The following DNAH8 variants were observed in gnomAD, a reference collection of about 807,000 sequenced individuals.
The protein encoded by DNAH8 is axonemal beta dynein heavy chain 8.
A neutral mutation model predicts 562.1 loss-of-function variants in DNAH8; 382 were observed. The observed-to-expected ratio is 0.68, with a 90% CI of 0.63 to 0.74. The LOEUF is 0.74. Ranked by LOEUF, DNAH8 falls within the 30% of genes least tolerant of loss-of-function variation. The pLI, the probability that DNAH8 is intolerant of heterozygous loss-of-function variation, is 0.00. For missense variants in DNAH8, 5,203 were observed against 5,620.4 expected (o/e 0.93, Z 2.37); for synonymous variants, 1,881 against 1,919.4 (o/e 0.98, Z 0.52).
At chr6:38,962,448 G>C (rs1001714053) in intron 82 of DNAH8, among the ~76,000 whole-genome samples, 2 of 152,016 alleles carry the variant, frequency 1.3e-5, no homozygotes, top group South Asian at 4.1e-4. Flanking sequence ...GATAAATATG[G>C]AGCAAAATGA....
At chr6:38,791,502 C>T (rs1466752738) in intron 20 of DNAH8, 53 bp from the exon 21 acceptor site, 9 of 1,548,068 alleles carry the variant, frequency 5.8e-6, no homozygotes, top group Non-Finnish European at 6.9e-6. Flanking sequence ...GGATGAAAAC[C>T]TAGCTCTAAA....
chr6:38,866,499 C>T, intron 45 of DNAH8, 92 bp from the exon 46 acceptor site: 5 of 890,234 alleles, frequency 5.6e-6, no homozygotes, highest in Non-Finnish European at 8.5e-6. Context: ...TCAATACCAT[C>T]TTAAAATCTG....
chr6:39,010,803 A>G (rs4714205), intron 89 of DNAH8, among the ~76,000 whole-genome samples: 20,904 of 136,208 alleles, frequency 0.15, 1,596 homozygotes, highest in African/African-American at 0.21. Flanking sequence ...ACGTGTACGC[A>G]CACACACACA....
chr6:38,797,120 G>A (rs1043539645), intron 21 of DNAH8, among the ~76,000 whole-genome samples: 1 of 152,162 alleles, frequency 6.6e-6, no homozygotes, highest in Non-Finnish European at 1.5e-5. Context: ...GGGGCTGGAC[G>A]CGGTGACTCA....
Position 38,715,941 on chromosome 6 carries a change from TATATATA to T in DNAH8, c.-35+527_-35+533del, listed in dbSNP as rs1562520598. ...AAATAAATAAATATATATATATATATATATATATATATATATATATTTTTTTTTTTTT... is the reference window on the plus strand; with the variant it reads ...AAATAAATAAATATATATATATATATTATATATATATATTTTTTTTTTTTT... On this transcript the variant is annotated intron_variant, in intron 1 of 92. Coordinates refer to ENST00000327475, the MANE Select transcript of DNAH8 (RefSeq NM_001206927.2). 0.02 allele frequency among the ~76,000 whole-genome samples: 334 copies of T among 16,974 alleles called. 42 individuals carry two copies. In the East Asian group the frequency reaches 0.21, roughly 11 times the overall value. 11.1% of individuals were successfully genotyped at this position (16,974 alleles called of 152,430 possible). A position where few individuals can be genotyped will look rare whatever the true frequency, so the allele number is the denominator to read the frequency against.
At chr6:38,990,937 A>G (rs1764743331) in intron 88 of DNAH8, among the ~76,000 whole-genome samples, 1 of 152,232 alleles carries the variant, frequency 6.6e-6, no homozygotes, top group Admixed American at 6.5e-5. Context: ...GTTTACATTC[A>G]GGAAAATGGT....
chr6:38,794,792 GTTTA>G (rs548819764), intron 21 of DNAH8, among the ~76,000 whole-genome samples: 8 of 152,024 alleles, frequency 5.3e-5, no homozygotes, highest in Non-Finnish European at 1.0e-4. Flanking sequence ...ATTTAGTACA[GTTTA>G]TTTGTTCATT....
At chr6:38,803,939 TA>T (rs1771020677) in intron 22 of DNAH8, among the ~76,000 whole-genome samples, 1 of 152,128 alleles carries the variant, frequency 6.6e-6, no homozygotes. Context: ...CTCCCATGAT[TA>T]AAGGATGCCC....
rs1452651708 is a variant in DNAH8, at chr6:38,722,909, C to A, written c.100C>A (p.Pro34Thr). The A allele has an allele frequency of 1.2e-6, 2 of 1,612,344 alleles. No homozygotes were observed. Among genetic ancestry groups the A allele is most frequent in the Admixed American group, 1.7e-5 (1 of 59,956 alleles). Residue 34 changes from proline to threonine, a missense_variant, in exon 2 of 93, where the codon CCG (proline) becomes ACG (threonine). Pro to Thr is a conservative substitution (Grantham distance 38, BLOSUM62 -1). Transcript: ENST00000327475. Reference protein sequence around the residue: ...APPRSEEEEAPRPPTVEAPAE... With the variant: ...APPRSEEEEATRPPTVEAPAE... ...TCCCCGTTCAGAAGAGGAAGAGGCC[C>A]CGCGCCCTCCGACAGTGGAGGCCCC...
At chr6:38,883,832 G>A in intron 55 of DNAH8, 44 bp from the exon 56 acceptor site, 1 of 1,447,534 alleles carries the variant, frequency 6.9e-7, no homozygotes, top group Non-Finnish European at 9.2e-7. Flanking sequence ...TAGAAGTATG[G>A]ATTAAAATCT....
intron 24 of DNAH8, among the ~76,000 whole-genome samples, 159 bp from the exon 25 acceptor site, chr6:38,813,895 T>G (rs1772015986): frequency 6.6e-6 from 1 of 152,198 alleles, no homozygotes; most frequent in Non-Finnish European, 1.5e-5. Flanking sequence ...ATTTTCTTAG[T>G]TCTCTGCAAT....
At chr6:38,973,923 A>G (rs1763506554) in intron 84 of DNAH8, 110 bp downstream of exon 84, 1 of 758,546 alleles carries the variant, frequency 1.3e-6, no homozygotes, top group South Asian at 2.0e-5. Context: ...TAGGGTCTGG[A>G]CTGCAAGATC....
chr6:38,894,672 CTG>C (rs766335632), intron 58 of DNAH8, 27 bp from the exon 59 acceptor site: 2 of 1,581,082 alleles, frequency 1.3e-6, no homozygotes, highest in Non-Finnish European at 1.7e-6. Flanking sequence ...TGAAAACTAA[CTG>C]AGAGTATTAC....
chr6:38,804,786 AG>A (rs1562845345), intron 22 of DNAH8, among the ~76,000 whole-genome samples: 34 of 110,296 alleles, frequency 3.1e-4, no homozygotes, highest in East Asian at 1.6e-3. Context: ...AGAGAGAGAG[AG>A]AGAAAGAGAA....
intron 24 of DNAH8, among the ~76,000 whole-genome samples, chr6:38,809,685 T>C (rs906708092): frequency 2.6e-5 from 4 of 152,236 alleles, no homozygotes; most frequent in Admixed American, 2.6e-4. Context: ...CCTGCACATT[T>C]TTGTTAGATT....
chr6:38,720,800 G>T (rs1010745716), intron 1 of DNAH8, among the ~76,000 whole-genome samples: 1 of 151,944 alleles, frequency 6.6e-6, no homozygotes, highest in Non-Finnish European at 1.5e-5. Flanking sequence ...CTCTCACCAA[G>T]AATTCAAAAT....
At chr6:38,906,494 G>A in intron 63 of DNAH8, 87 bp downstream of exon 63, 2 of 1,099,260 alleles carry the variant, frequency 1.8e-6, no homozygotes, top group South Asian at 2.6e-5. Context: ...TCAAAAATGA[G>A]GCTATTTAGT....
Position 38,874,068 on chromosome 6 carries a change from T to TTCTTTCTTTCTTTTTCTTTCTTTCTTTC in DNAH8, c.7620+693_7620+694insCTTTCTTTCTTTTTCTTTCTTTCTTTCT, listed in dbSNP as rs377254876. On this transcript the variant is annotated intron_variant, in intron 52 of 92. Coordinates refer to ENST00000327475, the MANE Select transcript of DNAH8 (RefSeq NM_001206927.2). ...TTTCTTTCTTTCTTTCTTTCTTTCTTTTTCTTTCTTTCTTTCTTTCTTTCT... is the reference window on the plus strand; with the variant it reads ...TTTCTTTCTTTCTTTCTTTCTTTCTTTCTTTCTTTCTTTTTCTTTCTTTCTTTCTTTCTTTCTTTCTTTCTTTCTTTCT... Among the ~76,000 whole-genome samples the TTCTTTCTTTCTTTTTCTTTCTTTCTTTC allele has an allele frequency of 2.3e-4, 13 of 57,076 alleles. 3 individuals are homozygous for TTCTTTCTTTCTTTTTCTTTCTTTCTTTC. The highest frequency in any genetic ancestry group is 4.8e-4 in the Admixed American group (2 of 4,172). 37.4% of individuals were successfully genotyped at this position (57,076 alleles called of 152,430 possible). A position where few individuals can be genotyped will look rare whatever the true frequency, so the allele number is the denominator to read the frequency against.
intron 61 of DNAH8, 68 bp from the exon 62 acceptor site, chr6:38,899,708 A>G (rs535120175): frequency 1.9e-6 from 3 of 1,567,994 alleles, no homozygotes; most frequent in East Asian, 4.6e-5. Flanking sequence ...ACTTGGGCTC[A>G]TTTAGTGCAA....
Sources: allele counts gnomAD v4.1 joint callset (sites outside exome capture counted in the v4.1 genomes callset), GRCh38; gene constraint gnomAD v4.1.1; transcripts MANE v1.5; gene names NCBI Gene and HGNC (gene_info 2026-07-23, HGNC 2026-07-21).